Variants in CC2D1A observed in about 807,000 individuals in gnomAD.
CC2D1A encodes coiled-coil and C2 domain containing 1A.
CC2D1A carries 68 observed loss-of-function variants against 123.8 expected under a neutral mutation model. The observed-to-expected ratio is 0.55, with a 90% CI of 0.45 to 0.67. The LOEUF (loss-of-function observed/expected upper bound fraction) is 0.67, where lower values mean the gene tolerates loss of function less well. Ranked by LOEUF, CC2D1A falls within the 30% of genes least tolerant of loss-of-function variation. The pLI, the probability that CC2D1A is intolerant of heterozygous loss-of-function variation, is 0.00. For synonymous variants in CC2D1A, 477 were observed against 528.0 expected (o/e 0.90, Z 1.32); for missense variants, 1,185 against 1,290.3 (o/e 0.92, Z 1.25).
At chr19:13,919,974 C>T in intron 12 of CC2D1A, 23 bp downstream of exon 12, 1 of 1,596,814 alleles carries the variant, frequency 6.3e-7, no homozygotes, top group South Asian at 1.1e-5. Context: ...GGGCCGGGCG[C>T]AGTGGCTCAC....
intron 17 of CC2D1A, among the ~76,000 whole-genome samples, chr19:13,924,952 C>T (rs1268900424): frequency 1.3e-5 from 2 of 152,092 alleles, no homozygotes; most frequent in African/African-American, 4.8e-5. Context: ...TTTGGTCCCT[C>T]CTACAAACAA....
rs749187303 is a variant in CC2D1A at position 13,923,279 on chromosome 19, C to T, written c.1642-54C>T. 1.3e-6 allele frequency: 2 copies of T among 1,564,094 alleles called. No individual in the cohort carries two copies. Among genetic ancestry groups the T allele is most frequent in the East Asian group, 2.2e-5 (1 of 44,582 alleles). The stretch of plus-strand genomic sequence containing the variant: ...GGAAGAATGACATTTCTGCAGAGCC[C>T]TAGGTGGGCCTGCTTGTCCTCCTTA... On this transcript the variant is annotated intron_variant, in intron 14 of 28. Transcript: ENST00000318003. The surrounding 1 kb of genome is among the most constrained non-coding windows in gnomAD (Gnocchi z 5.3).
In CC2D1A at chr19:13,926,725, G is replaced by C. The variant is rs1971657144; in HGVS notation, c.2073G>C (p.Val691=). Residue 691 remains valine (V), a splice_region_variant and synonymous_variant, in exon 19 of 29, where the codon GTG becomes GTC. Transcript: ENST00000318003. ...FVRFDFPYPN[V]EEAQKDKTSV... is the part of the protein sequence containing the mutation. ...GGTTTGACTTCCCCTATCCCAACGTGGTACGTGGGGAGCTGAGGAGGGGAG... is the reference window on the plus strand; with the variant it reads ...GGTTTGACTTCCCCTATCCCAACGTCGTACGTGGGGAGCTGAGGAGGGGAG... The C allele has an allele frequency of 6.2e-7, 1 of 1,614,000 alleles. No homozygotes were observed. The highest frequency in any genetic ancestry group is 8.5e-7 in the Non-Finnish European group (1 of 1,180,012).
rs1971348652 is a variant in CC2D1A at position 13,919,858 on chromosome 19, C to T, written c.1263C>T (p.Thr421=). 3 of 1,612,282 alleles carry T rather than the reference C, an allele frequency of 1.9e-6. No homozygotes were observed. Among genetic ancestry groups the T allele is most frequent in the Admixed American group, 3.3e-5 (2 of 59,976 alleles). The change falls in exon 12 of 29, where the codon ACC becomes ACT. Residue 421 remains threonine (T), a synonymous_variant. Transcript: ENST00000318003. The part of the protein sequence containing the change: ...PIQGLEATKP[T]QQSLVGVLET... ...AGGGCCTGGAGGCCACCAAGCCCAC[C>T]CAGCAGAGTCTGGTGGGTGTCCTGG... is the stretch of plus-strand genomic sequence containing the variant.
chr19:13,928,928 C>A (rs1229049738), intron 24 of CC2D1A, among the ~76,000 whole-genome samples: 1 of 151,634 alleles, frequency 6.6e-6, no homozygotes, highest in East Asian at 1.9e-4. Flanking sequence ...AGGCTGGTCT[C>A]GAACTCCCGA....
Position 13,906,544 on chromosome 19 carries a change from C to G in CC2D1A, c.60+43C>G, listed in dbSNP as rs751482338. 20 of 1,342,994 alleles carry G rather than the reference C, an allele frequency of 1.5e-5. No homozygotes were observed. The highest frequency in any genetic ancestry group is 1.9e-5 in the Non-Finnish European group (19 of 1,017,650). The allele number at this position is 1,342,994 out of a possible 1,614,324, so 83.2% of individuals were successfully genotyped here. ...GGCCCGACCTGGGGATCCCTCCCCA[C>G]CCCCGTCACTCGCTCAGGGAAGGGC... On this transcript the variant is annotated intron_variant, in intron 1 of 28. Transcript: ENST00000318003. This position sits in a 1 kb window ranked among gnomAD's most constrained non-coding sequence, Gnocchi z 4.1.
chr19:13,912,272 G>A (rs1971024535), intron 2 of CC2D1A, 51 bp from the exon 3 acceptor site: 4 of 1,523,276 alleles, frequency 2.6e-6, no homozygotes, highest in East Asian at 2.5e-5. Context: ...TGGGAAATGG[G>A]GGCTCTTGGT....
chr19:13,912,467 T>C (rs1249067166), intron 3 of CC2D1A, 29 bp downstream of exon 3: 1 of 1,614,016 alleles, frequency 6.2e-7, no homozygotes, highest in Admixed American at 1.7e-5. Flanking sequence ...GTGGGGGCTC[T>C]GATCCGGTTG....
chr19:13,921,061 A>G (rs1953347883), intron 14 of CC2D1A, 139 bp downstream of exon 14: 2 of 809,438 alleles, frequency 2.5e-6, no homozygotes, highest in Non-Finnish European at 3.7e-6. Flanking sequence ...CAATGGCTGA[A>G]AGGAGACAGA....
At chr19:13,928,325 A>G (rs1971730694) in intron 24 of CC2D1A, 137 bp downstream of exon 24, 1 of 723,544 alleles carries the variant, frequency 1.4e-6, no homozygotes, top group South Asian at 1.8e-5. Context: ...CCCTTTTCCC[A>G]GAGGATCCAG....
intron 4 of CC2D1A, 57 bp from the exon 5 acceptor site, chr19:13,913,111 T>C (rs1426646676): frequency 1.3e-6 from 2 of 1,505,132 alleles, no homozygotes; most frequent in African/African-American, 1.4e-5. Flanking sequence ...CAGAAGGGGC[T>C]AACAGGGGCA....
intron 6 of CC2D1A, among the ~76,000 whole-genome samples, chr19:13,917,317 A>T (rs1030360853): frequency 1.3e-5 from 2 of 152,106 alleles, no homozygotes; most frequent in Admixed American, 6.6e-5. Context: ...AAAAAAAAAT[A>T]AAAAACCAGC....
Position 13,923,861 on chromosome 19 carries a change from T to C in CC2D1A, c.1940+50T>C. 1 of 1,406,766 alleles carries C rather than the reference T, an allele frequency of 7.1e-7. No homozygotes were observed. The highest frequency in any genetic ancestry group is 1.0e-6 in the Non-Finnish European group (1 of 993,308). The allele number at this position is 1,406,766 out of a possible 1,614,324, so 87.1% of individuals were successfully genotyped here. Reference sequence around the variant, plus strand: ...CCACGTGGCCCCAGTGGCCCTTTGGTGGCGGTGGGGCGGGTTGTGCTCCCC... The same window carrying C: ...CCACGTGGCCCCAGTGGCCCTTTGGCGGCGGTGGGGCGGGTTGTGCTCCCC... On this transcript the variant is annotated intron_variant, in intron 17 of 28. Transcript: ENST00000318003. This position sits in a 1 kb window ranked among gnomAD's most constrained non-coding sequence, Gnocchi z 5.3.
Position 13,918,544 on chromosome 19 carries a change from C to A in CC2D1A, c.914C>A (p.Pro305His). The A allele has an allele frequency of 6.2e-7, 1 of 1,613,864 alleles. No homozygotes were observed. The highest frequency in any genetic ancestry group is 8.5e-7 in the Non-Finnish European group (1 of 1,179,988). ...TTGGAGGCCCTGAGCCGGGGTGAGC[C>A]CGTGGACCTCTCCTGCCTGCCCCCT... ...AVLEALSRGE[P>H]VDLSCLPPPP... Residue 305 changes from proline to histidine, a missense_variant, in exon 8 of 29, where the codon CCC becomes CAC. Transcript: ENST00000318003.
rs771168246 is a variant in CC2D1A at position 13,919,148 on chromosome 19, C to G, written c.1168C>G (p.Arg390Gly). The change falls in exon 11 of 29, where the codon CGA becomes GGA. Residue 390 changes from arginine to glycine, a missense_variant. Coordinates refer to ENST00000318003, the MANE Select transcript of CC2D1A (RefSeq NM_017721.5). Reference protein sequence around the residue: ...RIVKQYQDAIRAHKAGRAVDV... With the variant: ...RIVKQYQDAIGAHKAGRAVDV... ...CTCGCAGCAATACCAAGATGCCATC[C>G]GAGCCCACAAGGCTGGCCGAGCCGT... 6.2e-7 allele frequency: 1 copy of G among 1,612,580 alleles called. No homozygotes were observed. The highest frequency in any genetic ancestry group is 1.1e-5 in the South Asian group (1 of 91,062).
In CC2D1A at chr19:13,930,274, T is replaced by A. The variant is rs1185000415; in HGVS notation, c.2820T>A (p.Asn940Lys). 1 of 1,613,880 alleles carries A rather than the reference T, an allele frequency of 6.2e-7. No individual in the cohort carries two copies. The highest frequency in any genetic ancestry group is 8.5e-7 in the Non-Finnish European group (1 of 1,179,862). Residue 940 changes from asparagine (N) to lysine (K), a missense_variant, in exon 28 of 29, where the codon AAT becomes AAA. Transcript: ENST00000318003. This position sits in a 1 kb window ranked among gnomAD's most constrained non-coding sequence, Gnocchi z 6.8. ...CAAAGGAGGCGCTCTATAGGCGGAA[T>A]CTGGTAGAGAGTGAGGTAAGCAGCT... is the stretch of plus-strand genomic sequence containing the variant. ...DAAKEALYRR[N>K]LVESELQRLR...
chr19:13,917,834 C>G (rs1356074658), intron 6 of CC2D1A, among the ~76,000 whole-genome samples: 8 of 152,056 alleles, frequency 5.3e-5, no homozygotes, highest in Non-Finnish European at 1.0e-4. Flanking sequence ...TAAAAATTAG[C>G]CGGGCATGTG....
At position 13,919,006 on chromosome 19, in the gene CC2D1A, C is replaced by A. The variant is rs1210998038; in HGVS notation, c.1113C>A (p.Asp371Glu). ...VAAAQAKSKG[D>E]QRKARMHERI... ...CAGCCCAGGCCAAGAGCAAGGGGGACCAGCGGAAAGCTCGAATGCACGAGC... is the reference window on the plus strand; with the variant it reads ...CAGCCCAGGCCAAGAGCAAGGGGGAACAGCGGAAAGCTCGAATGCACGAGC... The change falls in exon 10 of 29, where the codon GAC becomes GAA. Residue 371 changes from aspartate to glutamate, a missense_variant. Transcript: ENST00000318003. The A allele has an allele frequency of 1.9e-6, 3 of 1,608,600 alleles. No homozygotes were observed. The highest frequency in any genetic ancestry group is 2.2e-5 in the East Asian group (1 of 44,652).
chr19:13,919,145 A>G lies in CC2D1A; in HGVS notation c.1165A>G (p.Ile389Val). 1 of 1,612,562 alleles carries G rather than the reference A, an allele frequency of 6.2e-7. No individual in the cohort carries two copies. The highest frequency in any genetic ancestry group is 8.5e-7 in the Non-Finnish European group (1 of 1,179,414). The change falls in exon 11 of 29, where the codon ATC becomes GTC. Residue 389 changes from isoleucine (I) to valine (V), a missense_variant. Ile to Val is a conservative substitution (Grantham distance 29, BLOSUM62 3). Transcript: ENST00000318003. ...GCCCTCGCAGCAATACCAAGATGCC[A>G]TCCGAGCCCACAAGGCTGGCCGAGC... ...ERIVKQYQDA[I>V]RAHKAGRAVD...
Sources: gnomAD v4.1 joint callset for allele counts (sites outside exome capture counted in the v4.1 genomes callset) on GRCh38, gnomAD v4.1.1 for gene constraint, Gnocchi (gnomAD v3.1) non-coding constraint, MANE v1.5 for transcripts, NCBI Gene and HGNC (gene_info 2026-07-23, HGNC 2026-07-21) for gene names.